Variants in NEDD9 observed in about 807,000 individuals in gnomAD.
The protein encoded by NEDD9 is enhancer of filamentation 1.
In NEDD9, 26 loss-of-function variants were observed where a neutral mutation model predicts 76.6. That is an observed-to-expected ratio of 0.34 (90% CI 0.25 to 0.47). The LOEUF is 0.47. Among genes scored for constraint, NEDD9 ranks in the 20% least tolerant of loss-of-function variants. The pLI, the probability that NEDD9 is intolerant of heterozygous loss-of-function variation, is 1.00. For synonymous variants in NEDD9, 392 were observed against 414.2 expected, an observed-to-expected ratio of 0.95 and a Z score of 0.65; for missense variants, 937 against 1,058.5, an observed-to-expected ratio of 0.89 and a Z score of 1.59.
chr6:11,223,866 C>A (rs1396773687), intron 1 of NEDD9, among the ~76,000 whole-genome samples: 1 of 152,114 alleles, frequency 6.6e-6, no homozygotes, highest in Non-Finnish European at 1.5e-5. Context: ...AAAAAAAGCA[C>A]AACATCTTAG....
At chr6:11,283,719 C>G (rs945117638) in intron 3 of NEDD9, among the ~76,000 whole-genome samples, 1 of 152,146 alleles carries the variant, frequency 6.6e-6, no homozygotes, top group Admixed American at 6.5e-5. Context: ...CTCCTACACA[C>G]AAAGGTTAAT....
rs191419521 is a variant in NEDD9 at position 11,241,113 on chromosome 6, T to C, written c.13-27386A>G. On this transcript the variant is annotated intron_variant, in intron 3 of 3. Coordinates refer to the NEDD9 transcript ENST00000397378. The surrounding 1 kb of genome is among the most constrained non-coding windows in gnomAD (Gnocchi z 4.0). ...TGGATTTTTACAAAGGTTGAAGTGA[T>C]CTGCCAACATCAAATAAACAGGAAT... Among the ~76,000 whole-genome samples the C allele has an allele frequency of 6.6e-6, 1 of 152,384 alleles. No homozygotes were observed. The highest frequency in any genetic ancestry group is 6.5e-5 in the Admixed American group (1 of 15,304).
intron 2 of NEDD9, among the ~76,000 whole-genome samples, chr6:11,332,697 T>C (rs1762069188): frequency 6.6e-6 from 1 of 152,180 alleles, no homozygotes. Context: ...GCTGGGTGAG[T>C]GTGCTCTGGA....
intron 3 of NEDD9, among the ~76,000 whole-genome samples, chr6:11,238,683 T>A (rs1298400149): frequency 6.6e-6 from 1 of 152,200 alleles, no homozygotes; most frequent in African/African-American, 2.4e-5. Context: ...GAAAAATCTC[T>A]CCATTGTTGC....
chr6:11,343,301 C>T lies in NEDD9; in HGVS notation c.-213-8740G>A, dbSNP rs956347884. ...AAAATTAGCTGGGTGTGGTGTCATG[C>T]GCCTGTAATCCCAGCTACTCAGGAG... On this transcript the variant is annotated intron_variant, in intron 1 of 3. Coordinates refer to the NEDD9 transcript ENST00000397378. Among the ~76,000 whole-genome samples the T allele has an allele frequency of 4.6e-5, 7 of 151,914 alleles. No individual in the cohort carries two copies. In the East Asian group the frequency reaches 5.8e-4, roughly 13 times the overall value.
chr6:11,236,485 T>C (rs1160660356), upstream of NEDD9, among the ~76,000 whole-genome samples: 1 of 152,216 alleles, frequency 6.6e-6, no homozygotes, highest in Non-Finnish European at 1.5e-5. The surrounding 1 kb of genome is among the most constrained non-coding windows in gnomAD (Gnocchi z 5.5). Context: ...TGAACCCACG[T>C]GACTGCTCTC....
intron 2 of NEDD9, among the ~76,000 whole-genome samples, chr6:11,333,031 G>A (rs1762078633): frequency 8.1e-6 from 1 of 124,168 alleles, no homozygotes; most frequent in African/African-American, 3.1e-5. Flanking sequence ...TCAGAAAAAG[G>A]AAGGAAGGAA....
At chr6:11,220,459 T>G (rs1759105938) in intron 1 of NEDD9, among the ~76,000 whole-genome samples, 1 of 152,218 alleles carries the variant, frequency 6.6e-6, no homozygotes, top group Non-Finnish European at 1.5e-5. Context: ...CATTAAATAC[T>G]TGCCTCCCGA....
chr6:11,320,045 T>G (rs1761751746), intron 2 of NEDD9, among the ~76,000 whole-genome samples: 1 of 152,216 alleles, frequency 6.6e-6, no homozygotes, highest in African/African-American at 2.4e-5. Flanking sequence ...GGCTGTCCTG[T>G]GGTCTCCCAG....
In NEDD9 at chr6:11,198,740, A is replaced by C. The variant is rs1424819088; in HGVS notation, c.460-5048T>G. The C allele has an allele frequency of 6.6e-6, 1 of 152,234 alleles. No homozygotes were observed. Among genetic ancestry groups the C allele is most frequent in the African/African-American group, 2.4e-5 (1 of 41,456 alleles). The allele number at this position is 152,234 out of a possible 1,614,324, so 9.4% of individuals were successfully genotyped here. On this transcript the variant is annotated intron_variant, in intron 2 of 6. Transcript: ENST00000379446. The surrounding 1 kb of genome is among the most constrained non-coding windows in gnomAD (Gnocchi z 4.7). The stretch of plus-strand genomic sequence containing the variant: ...TCTTGCATAATCTATTGAGTGATAC[A>C]TTAATCAACTAAAGGAAAACTGAAG...
upstream of NEDD9, among the ~76,000 whole-genome samples, chr6:11,235,942 G>A (rs887050934): frequency 1.3e-5 from 2 of 152,094 alleles, no homozygotes; most frequent in African/African-American, 2.4e-5. The surrounding 1 kb of genome is among the most constrained non-coding windows in gnomAD (Gnocchi z 4.1). Context: ...GTTTCTCTCC[G>A]GTTTGTTAAA....
intron 2 of NEDD9, among the ~76,000 whole-genome samples, chr6:11,204,678 C>T (rs1244793688): frequency 1.4e-5 from 2 of 140,096 alleles, no homozygotes; most frequent in African/African-American, 5.5e-5. Flanking sequence ...CGAGATTGTG[C>T]CACTGCACTC....
intron 1 of NEDD9, among the ~76,000 whole-genome samples, chr6:11,225,246 T>C (rs1328531739): frequency 6.6e-6 from 1 of 152,300 alleles, no homozygotes; most frequent in African/African-American, 2.4e-5. Context: ...GGCATAAACA[T>C]AACATTTCAT....
intron 1 of NEDD9, among the ~76,000 whole-genome samples, chr6:11,347,804 G>A (rs1435825421): frequency 3.3e-5 from 5 of 152,032 alleles, no homozygotes; most frequent in South Asian, 2.1e-4. Flanking sequence ...AAAATAATAA[G>A]AGCCATCTGT....
upstream of NEDD9, among the ~76,000 whole-genome samples, chr6:11,234,419 C>T (rs1218386710): frequency 6.6e-6 from 1 of 152,104 alleles, no homozygotes; most frequent in African/African-American, 2.4e-5. Context: ...AAGCTGAATC[C>T]TTTTTCTGTT....
chr6:11,340,584 A>G lies in NEDD9; in HGVS notation c.-213-6023T>C, dbSNP rs1032505322. Among the ~76,000 whole-genome samples the G allele has an allele frequency of 1.3e-5, 2 of 152,346 alleles. 1 individual carries two copies. The highest frequency in any genetic ancestry group is 6.8e-3 in the Middle Eastern group (2 of 294). ...TGAAGTCACTTGCCTAAAGTCACACAGCCAATCAGACTTCAGATGATGTGA... is the reference window on the plus strand; with the variant it reads ...TGAAGTCACTTGCCTAAAGTCACACGGCCAATCAGACTTCAGATGATGTGA... On this transcript the variant is annotated intron_variant, in intron 1 of 3. Transcript: ENST00000397378.
intron 3 of NEDD9, among the ~76,000 whole-genome samples, chr6:11,263,355 T>G (rs1760147674): frequency 6.6e-6 from 1 of 152,230 alleles, no homozygotes; most frequent in Non-Finnish European, 1.5e-5. Flanking sequence ...TGCCTTCTCT[T>G]GGTAGACAGA....
chr6:11,216,778 C>T (rs536093612), intron 1 of NEDD9, among the ~76,000 whole-genome samples: 11 of 152,220 alleles, frequency 7.2e-5, no homozygotes, highest in Non-Finnish European at 1.3e-4. Flanking sequence ...GCTCCCTCCC[C>T]GCCTTGCCTC....
chr6:11,233,193 T>C (rs1293425224), upstream of NEDD9: 9 of 515,868 alleles, frequency 1.7e-5, no homozygotes, highest in Admixed American at 1.8e-4. Flanking sequence ...GCCTACTTTT[T>C]GTGTGTGTGT....
Sources: gnomAD v4.1 joint callset for allele counts (sites outside exome capture counted in the v4.1 genomes callset) on GRCh38, gnomAD v4.1.1 for gene constraint, Gnocchi (gnomAD v3.1) non-coding constraint, MANE v1.5 for transcripts, NCBI Gene and HGNC (gene_info 2026-07-23, HGNC 2026-07-21) for gene names.